The following VWA2 variants were observed in gnomAD, a reference collection of about 807,000 sequenced individuals.
The protein encoded by VWA2 is von Willebrand factor A domain containing 2, also known as von Willebrand factor A domain-containing protein 2.
VWA2 carries 73 observed loss-of-function variants against 70.4 expected under a neutral mutation model. That is an observed-to-expected ratio of 1.04 (90% CI 0.86 to 1.26). The LOEUF (loss-of-function observed/expected upper bound fraction) is 1.26. Ranked by LOEUF, VWA2 falls within the 50% of genes most tolerant of loss-of-function variation. VWA2 has a pLI of 0.00. For missense variants in VWA2, 1,011 were observed against 998.5 expected, an observed-to-expected ratio of 1.01 and a Z score of -0.17; for synonymous variants, 407 against 423.3, an observed-to-expected ratio of 0.96 and a Z score of 0.47.
At chr10:114,260,600 C>T (rs977858566) in intron 4 of VWA2, among the ~76,000 whole-genome samples, 1 of 152,148 alleles carries the variant, frequency 6.6e-6, no homozygotes, top group Non-Finnish European at 1.5e-5. Flanking sequence ...GTAAGTGTTT[C>T]GCTGCTGGCT....
intron 3 of VWA2, 97 bp from the exon 4 acceptor site, chr10:114,254,818 A>T: frequency 6.6e-7 from 1 of 1,516,838 alleles, no homozygotes; most frequent in Non-Finnish European, 9.0e-7. Context: ...GAGGGACAGC[A>T]GCCTGGCCCA....
chr10:114,294,349 T>TTGAAAAATCTTGTCAGTATC lies in VWA2; in HGVS notation c.*3115_*3134dup, dbSNP rs1433747609. Among the ~76,000 whole-genome samples the TTGAAAAATCTTGTCAGTATC allele has an allele frequency of 1.3e-5, 2 of 152,242 alleles. No individual in the cohort carries two copies. The highest frequency in any genetic ancestry group is 4.8e-5 in the African/African-American group (2 of 41,466). ...TATATTCATAGTATTTTTTTATAAT[T>TTGAAAAATCTTGTCAGTATC]TGAAAAATCTTGTCAGTATCTGTAT... On this transcript the variant is annotated 3_prime_UTR_variant, in exon 14 of 14. Transcript: ENST00000392982.
chr10:114,246,293 G>A (rs914442554), intron 1 of VWA2: 2 of 632,922 alleles, frequency 3.2e-6, no homozygotes, highest in African/African-American at 3.6e-5. Flanking sequence ...CTGAGGTCAG[G>A]AGTTCAAGAC....
intron 1 of VWA2, among the ~76,000 whole-genome samples, chr10:114,243,187 A>G (rs1293243652): frequency 6.6e-6 from 1 of 152,226 alleles, no homozygotes; most frequent in Non-Finnish European, 1.5e-5. Flanking sequence ...TGCAGAAAGT[A>G]TGGGAGGGCT....
At chr10:114,284,348 C>T (rs1042901261) in intron 9 of VWA2, among the ~76,000 whole-genome samples, 6 of 152,174 alleles carry the variant, frequency 3.9e-5, no homozygotes, top group South Asian at 4.1e-4. Context: ...CAGTTCCCAT[C>T]ACTCCTTTTT....
At position 114,289,175 on chromosome 10, in the gene VWA2, A is replaced by C. The variant is rs2039281830; in HGVS notation, c.1808A>C (p.Tyr603Ser). Residue 603 changes from tyrosine to serine, a missense_variant, in exon 12 of 14, where the codon TAC becomes TCC. Physicochemically the swap from Tyr to Ser is moderately radical, Grantham distance 144. Transcript: ENST00000392982. ...AMLRAISQAP[Y>S]LGGVGSAGTA... The stretch of plus-strand genomic sequence containing the variant: ...CTGCGGGCCATTAGCCAGGCCCCCT[A>C]CCTAGGTGGGGTGGGCTCAGCCGGC... 6 of 1,613,464 alleles carry C rather than the reference A, an allele frequency of 3.7e-6. No homozygotes were observed. Among genetic ancestry groups the C allele is most frequent in the Non-Finnish European group, 5.1e-6 (6 of 1,179,842 alleles).
At chr10:114,277,210 C>A (rs1165738491) in intron 6 of VWA2, among the ~76,000 whole-genome samples, 1 of 107,968 alleles carries the variant, frequency 9.3e-6, no homozygotes, top group Non-Finnish European at 1.8e-5. Context: ...TGGAGACAGA[C>A]TCTCACTCTG....
At chr10:114,274,347 G>GA (rs2037774826) in intron 6 of VWA2, among the ~76,000 whole-genome samples, 2 of 152,218 alleles carry the variant, frequency 1.3e-5, no homozygotes, top group African/African-American at 4.8e-5. Context: ...AGACTGACAG[G>GA]ATAGGGGTGG....
rs749222638 is a variant in VWA2, at chr10:114,286,115, C to CT, written c.1175dup (p.Val393GlyfsTer13). On this transcript the variant is annotated frameshift_variant, in exon 11 of 14. Transcript: ENST00000392982. LOFTEE classifies it high-confidence loss of function. ...TGTGGCCACATACAGCAGGGAGCTG[C>CT]TGGTGGCGGTGCCTGTGGGGGAGTA... The CT allele has an allele frequency of 5.0e-6, 8 of 1,614,016 alleles. No homozygotes were observed. The highest frequency in any genetic ancestry group is 6.8e-6 in the Non-Finnish European group (8 of 1,180,034).
rs1166266883 is a variant in VWA2 at position 114,241,206 on chromosome 10, A to G, written c.-11+1637A>G. On this transcript the variant is annotated intron_variant, in intron 1 of 13. Coordinates refer to ENST00000392982, the MANE Select transcript of VWA2 (RefSeq NM_001272046.2). ...GTGGTACATTTGTTCCAACTGATGA[A>G]CCGACACTGGCACATCATTATGACC... Among the ~76,000 whole-genome samples, 24 of 152,176 alleles carry G rather than the reference A, an allele frequency of 1.6e-4. 1 individual carries two copies. The highest frequency in any genetic ancestry group is 1.6e-3 in the Admixed American group (24 of 15,274).
intron 2 of VWA2, among the ~76,000 whole-genome samples, chr10:114,249,625 GAATGGCTTC>G (rs959854188): frequency 6.6e-6 from 1 of 152,090 alleles, no homozygotes; most frequent in African/African-American, 2.4e-5. Context: ...TTGCTGAGGA[GAATGGCTTC>G]TAGCTCCACC....
At position 114,291,370 on chromosome 10, in the gene VWA2, C is replaced by T. The variant is rs17091525; in HGVS notation, c.*133C>T. On this transcript the variant is annotated 3_prime_UTR_variant, in exon 14 of 14. Coordinates refer to ENST00000392982, the MANE Select transcript of VWA2 (RefSeq NM_001272046.2). Reference sequence around the variant, plus strand: ...GGTCCTTAGAATGTCTGCTTCCCGCCGTGGCCAGGACCACTATTCTCACTG... The same window carrying T: ...GGTCCTTAGAATGTCTGCTTCCCGCTGTGGCCAGGACCACTATTCTCACTG... The T allele has an allele frequency of 5.5e-3, 6,086 of 1,109,452 alleles. 258 individuals carry two copies. The African/African-American group carries it at 0.086, about 16-fold the overall frequency. 68.7% of individuals were successfully genotyped at this position (1,109,452 alleles called of 1,614,324 possible).
intron 8 of VWA2, chr10:114,281,735 G>A (rs1169098928): frequency 2.0e-6 from 2 of 985,312 alleles, no homozygotes; most frequent in African/African-American, 3.5e-5. Context: ...GAGGCCTGGA[G>A]CCTTGCTCCT....
intron 5 of VWA2, among the ~76,000 whole-genome samples, chr10:114,261,834 A>T (rs1370163751): frequency 6.6e-6 from 1 of 152,224 alleles, no homozygotes; most frequent in Non-Finnish European, 1.5e-5. Context: ...TGGGTAAATT[A>T]TGAAGAAAAC....
In VWA2 at chr10:114,255,137, C is replaced by G. The variant is rs186735145; in HGVS notation, c.261+89C>G. ...GTCTCAAGCAGAGGAGGCATCTACT[C>G]GCTTGTGGAGCTGGGAAGACCAAGG... On this transcript the variant is annotated intron_variant, in intron 4 of 13. Coordinates refer to ENST00000392982, the MANE Select transcript of VWA2 (RefSeq NM_001272046.2). 2.5e-3 allele frequency: 3,797 copies of G among 1,530,482 alleles called. 71 individuals carry two copies. In the African/African-American group the frequency reaches 0.047, roughly 19 times the overall value. The allele number at this position is 1,530,482 out of a possible 1,614,324, so 94.8% of individuals were successfully genotyped here.
At chr10:114,273,225 T>G (rs952429220) in intron 6 of VWA2, among the ~76,000 whole-genome samples, 1 of 152,138 alleles carries the variant, frequency 6.6e-6, no homozygotes, top group Non-Finnish European at 1.5e-5. Flanking sequence ...ATTCACTGGG[T>G]GGGATGGGGG....
At chr10:114,249,381 G>A (rs527829987) in intron 2 of VWA2, among the ~76,000 whole-genome samples, 101 of 152,248 alleles carry the variant, frequency 6.6e-4, no homozygotes, top group Middle Eastern at 3.4e-3. Context: ...TCAGCCTCTT[G>A]AGTAGCTGAG....
At chr10:114,256,532 C>T (rs1474065227) in intron 4 of VWA2, among the ~76,000 whole-genome samples, 1 of 152,130 alleles carries the variant, frequency 6.6e-6, no homozygotes, top group African/African-American at 2.4e-5. Context: ...GTTGACAGGG[C>T]ACAAGGCCAG....
In VWA2 at chr10:114,293,550, A is replaced by G. The variant is rs1349629251; in HGVS notation, c.*2313A>G. Among the ~76,000 whole-genome samples, 2 of 152,214 alleles carry G rather than the reference A, an allele frequency of 1.3e-5. No homozygotes were observed. The highest frequency in any genetic ancestry group is 2.4e-5 in the African/African-American group (1 of 41,456). The stretch of plus-strand genomic sequence containing the variant: ...TCAGCTTTTGTCAGTCCCCCAGGAA[A>G]GTGCTATCCTATGGCCTAACTAGCC... On this transcript the variant is annotated 3_prime_UTR_variant, in exon 14 of 14. Coordinates refer to ENST00000392982, the MANE Select transcript of VWA2 (RefSeq NM_001272046.2).
Sources: gnomAD v4.1 joint callset for allele counts (sites outside exome capture counted in the v4.1 genomes callset) on GRCh38, gnomAD v4.1.1 for gene constraint, MANE v1.5 for transcripts, NCBI Gene and HGNC (gene_info 2026-07-23, HGNC 2026-07-21) for gene names.